The following USP34 variants were observed in gnomAD, a reference collection of about 807,000 sequenced individuals.
The protein encoded by USP34 is ubiquitin carboxyl-terminal hydrolase 34.
A neutral mutation model predicts 460.3 loss-of-function variants in USP34; 70 were observed. That is an observed-to-expected ratio of 0.15 (90% CI 0.13 to 0.19). The LOEUF (loss-of-function observed/expected upper bound fraction) is 0.19, where lower values mean the gene tolerates loss of function less well. Among genes scored for constraint, USP34 ranks in the 10% least tolerant of loss-of-function variants. The pLI is 1.00. For missense variants in USP34, 3,985 were observed against 4,236.2 expected (o/e 0.94, Z 1.65); for synonymous variants, 1,647 against 1,405.3 (o/e 1.17, Z -3.85).
chr2:61,437,584 C>A (rs1048364565), intron 1 of USP34, among the ~76,000 whole-genome samples: 7 of 151,780 alleles, frequency 4.6e-5, no homozygotes, highest in Non-Finnish European at 8.8e-5. Flanking sequence ...CCAGCCTGGC[C>A]AATATGGTGA....
intron 78 of USP34, 152 bp from the exon 79 acceptor site, chr2:61,189,221 G>A: frequency 1.3e-6 from 1 of 794,646 alleles, no homozygotes; most frequent in African/African-American, 1.8e-5. Flanking sequence ...GATAAAACCA[G>A]AAAGCCAGTG....
chr2:61,266,382 A>C (rs563199245), intron 41 of USP34, among the ~76,000 whole-genome samples: 2 of 152,250 alleles, frequency 1.3e-5, no homozygotes, highest in Non-Finnish European at 2.9e-5. Context: ...TTTGATACCT[A>C]ATAAGCTCAT....
chr2:61,339,132 G>C (rs946783730), intron 18 of USP34, among the ~76,000 whole-genome samples: 2 of 152,120 alleles, frequency 1.3e-5, no homozygotes, highest in Non-Finnish European at 2.9e-5. Context: ...ATCTAACAAA[G>C]AATGGTGAAA....
chr2:61,300,683 C>A (rs1410095633), intron 29 of USP34, among the ~76,000 whole-genome samples: 2 of 151,450 alleles, frequency 1.3e-5, no homozygotes, highest in Non-Finnish European at 1.5e-5. Context: ...GTAATCCCAG[C>A]TACTTGGGAG....
chr2:61,227,736 C>A lies in USP34; in HGVS notation c.7444-518G>T, dbSNP rs1485590157. 9.5e-4 allele frequency among the ~76,000 whole-genome samples: 141 copies of A among 148,226 alleles called. No homozygotes were observed. The Middle Eastern group carries it at 0.01, about 11-fold the overall frequency. ...AAAAACAAACAAACAAACAAACAAA[C>A]AAAAAAAAAACAAAAAACCTCAACA... On this transcript the variant is annotated intron_variant, in intron 61 of 79. Transcript: ENST00000398571.
At chr2:61,453,794 G>A (rs1405271718) in intron 1 of USP34, among the ~76,000 whole-genome samples, 2 of 148,878 alleles carry the variant, frequency 1.3e-5, no homozygotes, top group African/African-American at 2.5e-5. Flanking sequence ...ACATGACCCA[G>A]ATTTCTATGC....
chr2:61,194,298 T>G, intron 75 of USP34: 1 of 985,422 alleles, frequency 1.0e-6, no homozygotes, highest in Non-Finnish European at 1.2e-6. Flanking sequence ...TTTGGCAGCA[T>G]ATACCCACCA....
In USP34 at chr2:61,339,477, A is replaced by T. The variant is rs781657335; in HGVS notation, c.2618T>A (p.Val873Asp). ...LWDIVQDEDAVNLSEGLINEA... is the reference protein window; with the variant it reads ...LWDIVQDEDADNLSEGLINEA... ...ATTTATTAATCCTTCAGAAAGATTA[A>T]CCTATAAAAAATGTATATAAAATTA... Residue 873 changes from valine (V) to aspartate (D), a missense_variant and splice_region_variant, in exon 18 of 80, where the codon GTT becomes GAT. Around this residue, in one of 14 missense-constraint regions of USP34, gnomAD observed 46 missense variants for 83.1 expected, o/e 0.55. Transcript: ENST00000398571. 6.4e-7 allele frequency: 1 copy of T among 1,572,362 alleles called. No individual in the cohort carries two copies. Among genetic ancestry groups the T allele is most frequent in the Admixed American group, 1.9e-5 (1 of 52,812 alleles).
At chr2:61,384,010 T>C (rs950008602) in intron 5 of USP34, among the ~76,000 whole-genome samples, 2 of 152,162 alleles carry the variant, frequency 1.3e-5, no homozygotes, top group African/African-American at 4.8e-5. Flanking sequence ...ATTAGTTTTT[T>C]AATAAACCGT....
intron 49 of USP34, among the ~76,000 whole-genome samples, chr2:61,248,253 C>T (rs1558489623): frequency 1.3e-5 from 2 of 151,250 alleles, no homozygotes; most frequent in African/African-American, 2.4e-5. Context: ...GAGATTTAAG[C>T]TCCACAAGAG....
chr2:61,206,985 C>G (rs1687138402), intron 70 of USP34, 99 bp from the exon 71 acceptor site: 10 of 1,317,314 alleles, frequency 7.6e-6, no homozygotes, highest in Non-Finnish European at 1.0e-5. Context: ...TTTTCAGACT[C>G]AGACTGTGTG....
At chr2:61,281,809 G>C (rs970156034) in intron 37 of USP34, among the ~76,000 whole-genome samples, 6 of 152,056 alleles carry the variant, frequency 3.9e-5, no homozygotes, top group South Asian at 2.1e-4. Context: ...AGGACATTTA[G>C]AATCATTTAA....
chr2:61,230,448 C>T lies in USP34; in HGVS notation c.7114-815G>A, dbSNP rs563865479. On this transcript the variant is annotated intron_variant, in intron 58 of 79. Coordinates refer to ENST00000398571, the MANE Select transcript of USP34 (RefSeq NM_014709.4). ...TGAGGCAGGGAGAACTGTGTGAAGC[C>T]GGGAGGTGGCGGTTGCAGTGAGACG... Among the ~76,000 whole-genome samples, 9 of 152,088 alleles carry T rather than the reference C, an allele frequency of 5.9e-5. No individual in the cohort carries two copies. In the South Asian group the frequency reaches 1.2e-3, roughly 21 times the overall value.
intron 37 of USP34, 80 bp from the exon 38 acceptor site, chr2:61,281,322 A>C: frequency 6.8e-7 from 1 of 1,478,522 alleles, no homozygotes; most frequent in Non-Finnish European, 9.1e-7. Flanking sequence ...ATTTTAGGTG[A>C]TTTTAAATAC....
chr2:61,209,337 C>T (rs1687207871), intron 69 of USP34, among the ~76,000 whole-genome samples: 1 of 152,032 alleles, frequency 6.6e-6, no homozygotes, highest in African/African-American at 2.4e-5. Context: ...CACTCATCAG[C>T]TGGTAATTAA....
chr2:61,227,042 A>G, intron 62 of USP34, 25 bp downstream of exon 62: 1 of 1,574,908 alleles, frequency 6.3e-7, no homozygotes, highest in Non-Finnish European at 8.6e-7. Flanking sequence ...CATGCTTTAA[A>G]CATTTTAAAT....
chr2:61,272,618 C>A (rs1401904953), intron 41 of USP34, among the ~76,000 whole-genome samples: 2 of 152,128 alleles, frequency 1.3e-5, no homozygotes, highest in Non-Finnish European at 2.9e-5. Context: ...AGTTTGCCCA[C>A]AGACTAATTT....
At chr2:61,387,603 AC>A (rs1247663275) in intron 5 of USP34, among the ~76,000 whole-genome samples, 1 of 147,156 alleles carries the variant, frequency 6.8e-6, no homozygotes, top group Non-Finnish European at 1.5e-5. Context: ...ATATATACAC[AC>A]ATATATAAAA....
chr2:61,248,619 C>G lies in USP34; in HGVS notation c.6286G>C (p.Val2096Leu), dbSNP rs1688487380. Residue 2096 changes from valine (V) to leucine (L), a missense_variant, in exon 49 of 80, where the codon GTC (valine) becomes CTC (leucine). By Grantham distance (32) the Val-to-Leu change is conservative. Around this residue, in one of 14 missense-constraint regions of USP34, gnomAD observed 145 missense variants for 291.6 expected, o/e 0.50. Coordinates refer to ENST00000398571, the MANE Select transcript of USP34 (RefSeq NM_014709.4). ...TTCACTTTCTCTTTCATCATCGTGA[C>G]CATATTAAATGTGTATCTCATAGTA... ...FNTMRYTFNMVTMMKEKVNTH... is the reference protein window; with the variant it reads ...FNTMRYTFNMLTMMKEKVNTH... The G allele has an allele frequency of 6.2e-7, 1 of 1,609,358 alleles. No homozygotes were observed. Among genetic ancestry groups the G allele is most frequent in the African/African-American group, 1.3e-5 (1 of 74,806 alleles).
Sources: allele counts gnomAD v4.1 joint callset (sites outside exome capture counted in the v4.1 genomes callset), GRCh38; gene constraint gnomAD v4.1.1; regional missense constraint gnomAD v4.1.1; transcripts MANE v1.5; gene names NCBI Gene and HGNC (gene_info 2026-07-23, HGNC 2026-07-21).